The following LARGE1 variants were observed in gnomAD, a reference collection of about 807,000 sequenced individuals.
LARGE1 encodes the protein xylosyl- and glucuronyltransferase LARGE1.
In LARGE1, 43 loss-of-function variants were observed where a neutral mutation model predicts 87.6. The observed-to-expected ratio is 0.49, with a 90% CI of 0.38 to 0.63. The LOEUF (loss-of-function observed/expected upper bound fraction) is 0.63. Ranked by LOEUF, LARGE1 falls within the 30% of genes least tolerant of loss-of-function variation. The pLI is 0.00. For missense variants in LARGE1, 802 were observed against 1,000.2 expected, an observed-to-expected ratio of 0.80 and a Z score of 2.67; for synonymous variants, 434 against 394.6, an observed-to-expected ratio of 1.10 and a Z score of -1.18.
At chr22:33,529,134 G>A (rs1380551434) in intron 6 of LARGE1, among the ~76,000 whole-genome samples, 1 of 152,096 alleles carries the variant, frequency 6.6e-6, no homozygotes, top group Admixed American at 6.5e-5. Flanking sequence ...TTAGCCAAAG[G>A]AAACTCTATA....
intron 6 of LARGE1, among the ~76,000 whole-genome samples, chr22:33,463,289 A>AAAATAC (rs369566399): frequency 0.045 from 6,881 of 152,150 alleles, 214 homozygotes; most frequent in Middle Eastern, 0.11. Flanking sequence ...GACATAAAAG[A>AAAATAC]AAATACAAAT....
chr22:33,578,480 A>G (rs962145227), intron 5 of LARGE1, among the ~76,000 whole-genome samples: 4 of 152,234 alleles, frequency 2.6e-5, no homozygotes, highest in Non-Finnish European at 5.9e-5. Context: ...TTCTTAGAAG[A>G]TCACCATTAA....
intron 6 of LARGE1, among the ~76,000 whole-genome samples, chr22:33,510,542 C>A (rs548836555): frequency 6.6e-6 from 1 of 152,266 alleles, no homozygotes; most frequent in South Asian, 2.1e-4. Flanking sequence ...TAAGAAAATA[C>A]CAAAGTCCAC....
At chr22:33,346,352 G>A (rs1344977165) in intron 9 of LARGE1, among the ~76,000 whole-genome samples, 1 of 150,510 alleles carries the variant, frequency 6.6e-6, no homozygotes, top group Non-Finnish European at 1.5e-5. Flanking sequence ...ACCCAGGCTG[G>A]AGTGCAATGA....
chr22:33,667,429 C>T (rs2081299107), intron 2 of LARGE1, among the ~76,000 whole-genome samples: 1 of 152,184 alleles, frequency 6.6e-6, no homozygotes, highest in Non-Finnish European at 1.5e-5. Context: ...ACAGAAAAGC[C>T]ATTACTCCCA....
intron 9 of LARGE1, among the ~76,000 whole-genome samples, chr22:33,365,420 C>T (rs1258125927): frequency 6.6e-6 from 1 of 152,076 alleles, no homozygotes; most frequent in Non-Finnish European, 1.5e-5. Context: ...TATTTGTGGT[C>T]TTAATTTTCA....
chr22:33,500,489 G>T (rs1249092737), intron 6 of LARGE1, among the ~76,000 whole-genome samples: 3 of 152,162 alleles, frequency 2.0e-5, no homozygotes, highest in African/African-American at 7.2e-5. Flanking sequence ...TCTCCCGCAG[G>T]AGACTATTTG....
intron 6 of LARGE1, among the ~76,000 whole-genome samples, chr22:33,540,297 T>TC (rs1368088118): frequency 3.9e-5 from 6 of 152,098 alleles, no homozygotes; most frequent in Admixed American, 1.3e-4. Context: ...CCTTGCCAAG[T>TC]CCCCCCCTGT....
At chr22:33,534,354 A>C (rs1397214968) in intron 6 of LARGE1, among the ~76,000 whole-genome samples, 2 of 151,978 alleles carry the variant, frequency 1.3e-5, no homozygotes, top group Non-Finnish European at 2.9e-5. Flanking sequence ...CAGTGAGCGG[A>C]GAACACGCCA....
chr22:33,426,275 A>C (rs1159047741), intron 7 of LARGE1, among the ~76,000 whole-genome samples: 1 of 152,240 alleles, frequency 6.6e-6, no homozygotes, highest in Non-Finnish European at 1.5e-5. Flanking sequence ...TTTAAAAAAC[A>C]AAACAAAACA....
chr22:33,663,637 G>T (rs1271300600), intron 2 of LARGE1, among the ~76,000 whole-genome samples: 2 of 152,188 alleles, frequency 1.3e-5, no homozygotes, highest in African/African-American at 4.8e-5. Context: ...TCAGGATGGG[G>T]ATGACGCGGC....
At chr22:33,328,531 A>G (rs1307127158) in intron 10 of LARGE1, among the ~76,000 whole-genome samples, 1 of 151,948 alleles carries the variant, frequency 6.6e-6, no homozygotes, top group Non-Finnish European at 1.5e-5. Flanking sequence ...GTGAGCCGAC[A>G]TTGTGCCACT....
intron 10 of LARGE1, among the ~76,000 whole-genome samples, chr22:33,330,774 G>A (rs138952134): frequency 2.8e-4 from 43 of 152,336 alleles, no homozygotes; most frequent in Non-Finnish European, 4.3e-4. Flanking sequence ...AGCCCAACCA[G>A]TGGCTCTGAA....
intron 1 of LARGE1, among the ~76,000 whole-genome samples, chr22:33,912,367 A>T (rs984449558): frequency 2.6e-5 from 4 of 152,088 alleles, no homozygotes; most frequent in Non-Finnish European, 5.9e-5. Context: ...TTTAAAATTT[A>T]AAAAAAAGAA....
At chr22:33,174,439 C>A (rs557266692) in intron 11 of LARGE1, among the ~76,000 whole-genome samples, 2 of 152,112 alleles carry the variant, frequency 1.3e-5, no homozygotes, top group South Asian at 4.2e-4. Flanking sequence ...ACTAGAGAAG[C>A]AAGAGCAAAC....
At chr22:33,082,956 C>G in the LARGE1 span, among the ~76,000 whole-genome samples, 1 of 152,052 alleles carries the variant, frequency 6.6e-6, no homozygotes, top group Non-Finnish European at 1.5e-5. Flanking sequence ...ACCCGGGAGG[C>G]GGAGCTTGCA....
chr22:33,763,877 GACTC>G (rs1156890454), intron 1 of LARGE1, among the ~76,000 whole-genome samples: 4 of 106,414 alleles, frequency 3.8e-5, no homozygotes, highest in Non-Finnish European at 6.9e-5. Flanking sequence ...TTGAGACAGA[GACTC>G]ACTCTGTCAC....
At chr22:33,190,338 A>G (rs1923710920) in intron 11 of LARGE1, among the ~76,000 whole-genome samples, 1 of 152,142 alleles carries the variant, frequency 6.6e-6, no homozygotes. Flanking sequence ...TTTAATTCCT[A>G]TGGCTTAGAC....
At chr22:33,657,523 C>T (rs757573400) in intron 2 of LARGE1, among the ~76,000 whole-genome samples, 1 of 152,082 alleles carries the variant, frequency 6.6e-6, no homozygotes, top group Non-Finnish European at 1.5e-5. Context: ...AGCATAAAAG[C>T]GGCCATAGAA....
Sources: gnomAD v4.1 joint callset for allele counts (sites outside exome capture counted in the v4.1 genomes callset) on GRCh38, gnomAD v4.1.1 for gene constraint, MANE v1.5 for transcripts, NCBI Gene and HGNC (gene_info 2026-07-23, HGNC 2026-07-21) for gene names.